The following DIAPH3 variants were observed in gnomAD, a reference collection of about 807,000 sequenced individuals.
DIAPH3 encodes the protein protein diaphanous homolog 3.
In DIAPH3, 117 loss-of-function variants were observed where a neutral mutation model predicts 144.3. That is an observed-to-expected ratio of 0.81 (90% CI 0.70 to 0.95). DIAPH3 has a LOEUF of 0.95. Ranked by LOEUF, DIAPH3 falls within the 40% of genes least tolerant of loss-of-function variation. The pLI is 0.00. For missense variants in DIAPH3, 1,421 were observed against 1,412.7 expected, an observed-to-expected ratio of 1.01 and a Z score of -0.09; for synonymous variants, 519 against 488.9, an observed-to-expected ratio of 1.06 and a Z score of -0.81.
At chr13:60,131,441 A>C (rs2059136656) in intron 2 of DIAPH3, among the ~76,000 whole-genome samples, 1 of 148,702 alleles carries the variant, frequency 6.7e-6, no homozygotes. Flanking sequence ...GTCTCAAAAA[A>C]AAAAAAAAAA....
chr13:60,125,366 C>T lies in DIAPH3; in HGVS notation c.213+7591G>A, dbSNP rs138964376. ...GTAGCTAGGACTAGGACTACAGGTTCACATCTGCATACCATCACACCCAGC... is the reference window on the plus strand; with the variant it reads ...GTAGCTAGGACTAGGACTACAGGTTTACATCTGCATACCATCACACCCAGC... On this transcript the variant is annotated intron_variant, in intron 2 of 27. Transcript: ENST00000400324. 3.7e-3 allele frequency among the ~76,000 whole-genome samples: 545 copies of T among 146,890 alleles called. 4 individuals are homozygous for T. Among genetic ancestry groups the T allele is most frequent in the African/African-American group, 0.013 (529 of 39,804 alleles).
intron 27 of DIAPH3, among the ~76,000 whole-genome samples, chr13:59,733,977 A>C (rs954902971): frequency 6.6e-6 from 1 of 152,230 alleles, no homozygotes; most frequent in Admixed American, 6.5e-5. Context: ...ACGCATTCCC[A>C]GTATGCATGC....
intron 16 of DIAPH3, 126 bp downstream of exon 16, chr13:59,970,726 A>C: frequency 1.2e-6 from 1 of 855,852 alleles, no homozygotes; most frequent in East Asian, 2.8e-5. Flanking sequence ...GTGACATTAG[A>C]AATTATGTAT....
At chr13:59,923,370 G>A (rs1054762493) in intron 18 of DIAPH3, among the ~76,000 whole-genome samples, 6 of 152,088 alleles carry the variant, frequency 3.9e-5, no homozygotes, top group African/African-American at 1.4e-4. Flanking sequence ...TCAAAACACA[G>A]TGCTTTGAAC....
intron 19 of DIAPH3, 83 bp from the exon 20 acceptor site, chr13:59,911,919 A>G: frequency 9.2e-7 from 1 of 1,081,360 alleles, no homozygotes; most frequent in South Asian, 1.4e-5. Context: ...CTACTGAAAG[A>G]AAACCAGTGA....
chr13:60,014,187 C>G (rs2140973757), intron 7 of DIAPH3, among the ~76,000 whole-genome samples: 1 of 152,036 alleles, frequency 6.6e-6, no homozygotes, highest in East Asian at 1.9e-4. Context: ...TAGATTTTTT[C>G]TACTTTTGGC....
At chr13:59,718,606 T>A (rs1243315914) in intron 27 of DIAPH3, among the ~76,000 whole-genome samples, 1 of 152,144 alleles carries the variant, frequency 6.6e-6, no homozygotes, top group African/African-American at 2.4e-5. Flanking sequence ...AAAGTCAAAT[T>A]GTTATGTCTT....
rs188466794 is a variant in DIAPH3, at chr13:59,693,145, G to A, written c.3320-26299C>T. ...GTTTAGTGGAAGAACGGCATTCCAGGTAGAGGGAACAGCGTGAAGGCCTCC... is the reference window on the plus strand; with the variant it reads ...GTTTAGTGGAAGAACGGCATTCCAGATAGAGGGAACAGCGTGAAGGCCTCC... On this transcript the variant is annotated intron_variant, in intron 27 of 27. Coordinates refer to ENST00000400324, the MANE Select transcript of DIAPH3 (RefSeq NM_001042517.2). 8.9e-4 allele frequency among the ~76,000 whole-genome samples: 136 copies of A among 152,272 alleles called. 1 individual carries two copies. The highest frequency in any genetic ancestry group is 3.1e-3 in the African/African-American group (130 of 41,532).
intron 27 of DIAPH3, 32 bp from the exon 28 acceptor site, chr13:59,666,878 A>T: frequency 6.2e-7 from 1 of 1,613,398 alleles, no homozygotes; most frequent in Non-Finnish European, 8.5e-7. Flanking sequence ...CATAAAACTT[A>T]TCACCATGAT....
intron 5 of DIAPH3, among the ~76,000 whole-genome samples, chr13:60,033,870 C>T (rs17057537): frequency 0.073 from 11,166 of 152,180 alleles, 1,382 homozygotes; most frequent in African/African-American, 0.26. Flanking sequence ...ATCTAATTGA[C>T]GGAGTTTTAC....
intron 13 of DIAPH3, 64 bp from the exon 14 acceptor site, chr13:59,980,923 GT>G: frequency 7.5e-7 from 1 of 1,337,952 alleles, no homozygotes; most frequent in Non-Finnish European, 1.1e-6. Flanking sequence ...GACTTCAAAA[GT>G]TTAGAAAGAA....
At chr13:60,142,030 A>G (rs1477521744) in intron 1 of DIAPH3, among the ~76,000 whole-genome samples, 15 of 152,222 alleles carry the variant, frequency 9.9e-5, no homozygotes, top group Admixed American at 9.8e-4. Context: ...TTCAAGAAAC[A>G]AGGGAGCTTG....
At chr13:59,754,485 C>T (rs2037161948) in intron 27 of DIAPH3, among the ~76,000 whole-genome samples, 1 of 152,154 alleles carries the variant, frequency 6.6e-6, no homozygotes, top group African/African-American at 2.4e-5. Flanking sequence ...CTATTCCCTC[C>T]GCTCTACCAT....
chr13:59,896,689 C>T (rs1283297193), intron 20 of DIAPH3, among the ~76,000 whole-genome samples: 2 of 152,056 alleles, frequency 1.3e-5, no homozygotes, highest in African/African-American at 2.4e-5. Flanking sequence ...CAGGGGATTC[C>T]GAGAAATCCG....
At chr13:60,070,309 T>G (rs2057152911) in intron 4 of DIAPH3, among the ~76,000 whole-genome samples, 1 of 151,592 alleles carries the variant, frequency 6.6e-6, no homozygotes, top group Admixed American at 6.6e-5. Flanking sequence ...GCTCTTTTTT[T>G]CTAGCCAAGT....
intron 20 of DIAPH3, among the ~76,000 whole-genome samples, chr13:59,905,541 C>T (rs1331702242): frequency 6.6e-6 from 1 of 152,074 alleles, no homozygotes; most frequent in Non-Finnish European, 1.5e-5. Context: ...GGCACTATTA[C>T]TGTCCCTGTT....
intron 24 of DIAPH3, among the ~76,000 whole-genome samples, chr13:59,812,856 G>A (rs895264483): frequency 1.3e-5 from 2 of 152,054 alleles, no homozygotes; most frequent in African/African-American, 4.8e-5. Context: ...GCAAAACTAC[G>A]TACACTGAGA....
At chr13:60,063,651 G>T (rs1373741144) in intron 4 of DIAPH3, among the ~76,000 whole-genome samples, 3 of 152,118 alleles carry the variant, frequency 2.0e-5, no homozygotes, top group Admixed American at 6.5e-5. Flanking sequence ...TCCTGGCCAG[G>T]CACAGTGGCT....
intron 27 of DIAPH3, among the ~76,000 whole-genome samples, chr13:59,692,662 C>A (rs1002065121): frequency 1.3e-5 from 2 of 152,062 alleles, no homozygotes; most frequent in African/African-American, 4.8e-5. Context: ...AGGGTACACT[C>A]TTTTGCCATG....
Sources: gnomAD v4.1 joint callset for allele counts (sites outside exome capture counted in the v4.1 genomes callset) on GRCh38, gnomAD v4.1.1 for gene constraint, MANE v1.5 for transcripts, NCBI Gene and HGNC (gene_info 2026-07-23, HGNC 2026-07-21) for gene names.